SNED1: variants seen among roughly 807,000 people sequenced by gnomAD.
SNED1 encodes sushi, nidogen and EGF like domains 1, also known as sushi, nidogen and EGF-like domain-containing protein 1.
In SNED1, 81 loss-of-function variants were observed where a neutral mutation model predicts 166.7. The observed-to-expected ratio is 0.49, with a 90% CI of 0.41 to 0.58. The LOEUF is 0.58. Among genes scored for constraint, SNED1 ranks in the 20% least tolerant of loss-of-function variants. The pLI is 0.00. For missense variants in SNED1, 1,604 were observed against 2,000.2 expected (o/e 0.80, Z 3.78); for synonymous variants, 762 against 822.0 (o/e 0.93, Z 1.25).
Position 241,018,835 on chromosome 2 carries a change from C to G in SNED1, c.214-11449C>G, listed in dbSNP as rs1184500524. ...AGAGCTGAGTGAATTCCTGAGGCCC[C>G]TTTTTGGCCTGGCTGCCACCTGGAG... On this transcript the variant is annotated intron_variant, in intron 1 of 31. Transcript: ENST00000310397. This position sits in a 1 kb window ranked among gnomAD's most constrained non-coding sequence, Gnocchi z 5.4. Among the ~76,000 whole-genome samples the G allele has an allele frequency of 6.6e-6, 1 of 152,178 alleles. No individual in the cohort carries two copies. Among genetic ancestry groups the G allele is most frequent in the East Asian group, 1.9e-4 (1 of 5,188 alleles).
rs1014645273 is a variant in SNED1, at chr2:241,013,295, C to T, written c.213+14245C>T. 6.6e-6 allele frequency among the ~76,000 whole-genome samples: 1 copy of T among 152,032 alleles called. No individual in the cohort carries two copies. Among genetic ancestry groups the T allele is most frequent in the Admixed American group, 6.6e-5 (1 of 15,244 alleles). On this transcript the variant is annotated intron_variant, in intron 1 of 31. Transcript: ENST00000310397. This position sits in a 1 kb window ranked among gnomAD's most constrained non-coding sequence, Gnocchi z 4.6. ...CTACTCTCTGCTTCTATGAACTCAA[C>T]TTAATTTTCATTTTATTTATTTTAT... is the stretch of plus-strand genomic sequence containing the variant.
chr2:241,048,816 T>A, intron 10 of SNED1, 50 bp downstream of exon 10: 1 of 1,462,088 alleles, frequency 6.8e-7, no homozygotes, highest in Middle Eastern at 1.7e-4. Context: ...ATCCTCATAA[T>A]CGGGAAATGA....
chr2:241,063,826 G>A lies in SNED1; in HGVS notation c.2485+126G>A, dbSNP rs141334145. 5,458 of 817,210 alleles carry A rather than the reference G, an allele frequency of 6.7e-3. 35 individuals are homozygous for A. Among genetic ancestry groups the A allele is most frequent in the Non-Finnish European group, 7.6e-3 (3,926 of 518,166 alleles). The allele number at this position is 817,210 out of a possible 1,614,324, so 50.6% of individuals were successfully genotyped here. On this transcript the variant is annotated intron_variant, in intron 18 of 31. Transcript: ENST00000310397. Reference sequence around the variant, plus strand: ...TGGGGAGAGGGACCCCCAGGGCTGCGGCCACCTTGGGAGGGAGGGGTGGAG... The same window carrying A: ...TGGGGAGAGGGACCCCCAGGGCTGCAGCCACCTTGGGAGGGAGGGGTGGAG...
intron 1 of SNED1, among the ~76,000 whole-genome samples, chr2:241,001,119 G>A (rs1349008561): frequency 6.6e-6 from 1 of 152,244 alleles, no homozygotes; most frequent in Admixed American, 6.5e-5. Flanking sequence ...CCTCGTGTCT[G>A]CTGGCCCTGG....
At chr2:241,002,013 A>G (rs1376960567) in intron 1 of SNED1, among the ~76,000 whole-genome samples, 1 of 152,018 alleles carries the variant, frequency 6.6e-6, no homozygotes, top group Non-Finnish European at 1.5e-5. Context: ...TCTGCACAAC[A>G]TTACCATCCA....
rs1230400189 is a variant in SNED1, at chr2:241,073,033, G to C, written c.3818-233G>C. ...TGGCTGTCCCTGAAGCAGCTCTGAG[G>C]GGGCCCTGCAAGGGGAAGGCCGAGC... On this transcript the variant is annotated intron_variant, in intron 26 of 31. Transcript: ENST00000310397. This position sits in a 1 kb window ranked among gnomAD's most constrained non-coding sequence, Gnocchi z 6.6. The C allele has an allele frequency of 5.6e-6, 3 of 533,086 alleles. No homozygotes were observed. The highest frequency in any genetic ancestry group is 1.0e-5 in the Non-Finnish European group (3 of 299,784). 33.0% of individuals were successfully genotyped at this position (533,086 alleles called of 1,614,324 possible).
chr2:241,080,035 A>G (rs752939503), intron 27 of SNED1, among the ~76,000 whole-genome samples: 97 of 152,240 alleles, frequency 6.4e-4, no homozygotes, highest in Non-Finnish European at 4.6e-4. Flanking sequence ...CTGTAATCCC[A>G]GCACTTTGGG....
chr2:241,053,304 G>T lies in SNED1; in HGVS notation c.2235G>T (p.Trp745Cys). The change falls in exon 16 of 32, where the codon TGG becomes TGT. Residue 745 changes from tryptophan (W) to cysteine (C), a missense_variant. This residue lies in a region of SNED1 where 1,237 missense variants were observed against 1,620.8 expected (regional missense o/e 0.76). Coordinates refer to ENST00000310397, the MANE Select transcript of SNED1 (RefSeq NM_001080437.3). The part of the protein sequence containing the change: ...RIRVCQPHGV[W>C]SEPPQCLEID... ...GGGTCTGCCAGCCACACGGTGTCTG[G>T]AGTGAGCCTCCCCAGTGCCTTGGTG... The T allele has an allele frequency of 6.3e-7, 1 of 1,590,312 alleles. No individual in the cohort carries two copies.
chr2:241,083,641 G>A (rs1575123267), intron 29 of SNED1, among the ~76,000 whole-genome samples: 1 of 152,290 alleles, frequency 6.6e-6, no homozygotes, highest in African/African-American at 2.4e-5. Context: ...CACAGTATCT[G>A]CCATCTTCCC....
Position 241,053,335 on chromosome 2 carries a change from G to T in SNED1, c.2257+9G>T, listed in dbSNP as rs1030068217. The T allele has an allele frequency of 1.9e-6, 3 of 1,557,524 alleles. No individual in the cohort carries two copies. ...GCCTCCCCAGTGCCTTGGTGATTCT[G>T]TGGGCCCTTGGGGTGGGGCAGGTGG... On this transcript the variant is annotated intron_variant, in intron 16 of 31. Coordinates refer to ENST00000310397, the MANE Select transcript of SNED1 (RefSeq NM_001080437.3).
intron 1 of SNED1, among the ~76,000 whole-genome samples, chr2:241,028,248 C>T (rs1008267681): frequency 5.3e-5 from 8 of 152,074 alleles, no homozygotes; most frequent in Admixed American, 2.6e-4. Context: ...TGCCTTTTTA[C>T]TCTGTTAATA....
chr2:241,012,341 CG>C (rs1184506586), intron 1 of SNED1, among the ~76,000 whole-genome samples: 1 of 152,202 alleles, frequency 6.6e-6, no homozygotes, highest in Non-Finnish European at 1.5e-5. Context: ...AAAGATCAAA[CG>C]TAACGCAAAC....
At chr2:241,057,906 G>T (rs988950953) in intron 16 of SNED1, among the ~76,000 whole-genome samples, 16 of 152,278 alleles carry the variant, frequency 1.1e-4, no homozygotes, top group African/African-American at 3.8e-4. Context: ...GGTAAGACTT[G>T]TCACTATCCA....
At chr2:241,048,213 A>T (rs1270418296) in intron 8 of SNED1, 102 bp from the exon 9 acceptor site, 1 of 1,336,078 alleles carries the variant, frequency 7.5e-7, no homozygotes, top group African/African-American at 1.5e-5. Context: ...CTTGGGAATG[A>T]CAACAGAGGT....
Position 241,036,915 on chromosome 2 carries a change from G to C in SNED1, c.931G>C (p.Asp311His), listed in dbSNP as rs1195004097. The stretch of plus-strand genomic sequence containing the variant: ...CTTCACGGGGCGGAGGTGCCACCTG[G>C]GTGAGTGACTGGCCCAGGGCGGGAC... ...SGFTGRRCHLDVNECASQPCQ... is the reference protein window; with the variant it reads ...SGFTGRRCHLHVNECASQPCQ... The change falls in exon 5 of 32, where the codon GAC becomes CAC. Residue 311 changes from aspartate (D) to histidine (H), a missense_variant and splice_region_variant. By Grantham distance (81) the Asp-to-His change is moderately conservative (BLOSUM62 -1). Around this residue, in one of 2 missense-constraint regions of SNED1, gnomAD observed 1,237 missense variants for 1,620.8 expected, o/e 0.76. Coordinates refer to ENST00000310397, the MANE Select transcript of SNED1 (RefSeq NM_001080437.3). The C allele has an allele frequency of 6.2e-7, 1 of 1,609,286 alleles. No individual in the cohort carries two copies. The highest frequency in any genetic ancestry group is 8.5e-7 in the Non-Finnish European group (1 of 1,178,794).
rs778397444 is a variant in SNED1 at position 241,071,538 on chromosome 2, AG to A, written c.3590-37del. On this transcript the variant is annotated intron_variant, in intron 24 of 31. Coordinates refer to ENST00000310397, the MANE Select transcript of SNED1 (RefSeq NM_001080437.3). The stretch of plus-strand genomic sequence containing the variant: ...AGGGGCAGGGACAGGAGCAGAGGGC[AG>A]CCCCAGACCAGCCCCTTCCTCCTGC... 5.8e-5 allele frequency: 91 copies of A among 1,561,068 alleles called. No homozygotes were observed. The Admixed American group carries it at 1.6e-3, about 27-fold the overall frequency.
At chr2:241,050,181 C>T in intron 12 of SNED1, 1 of 564,938 alleles carries the variant, frequency 1.8e-6, no homozygotes, top group East Asian at 2.9e-5. Flanking sequence ...GCTTCATTGC[C>T]TGCTCAGCAT....
Position 241,030,494 on chromosome 2 carries a change from C to T in SNED1, c.424C>T (p.Leu142=), listed in dbSNP as rs762949861. The T allele has an allele frequency of 6.2e-7, 1 of 1,613,842 alleles. No individual in the cohort carries two copies. ...CGTCAGGCACTACTTCCCCGAGCTC[C>T]TGGACTTCAATGCCACCTGGGTTTT... The part of the protein sequence containing the change: ...EDVRHYFPEL[L]DFNATWVFVA... Residue 142 remains leucine, a synonymous_variant, in exon 2 of 32, where the codon CTG becomes TTG. Coordinates refer to ENST00000310397, the MANE Select transcript of SNED1 (RefSeq NM_001080437.3).
Position 241,073,229 on chromosome 2 carries a change from C to A in SNED1, c.3818-37C>A. 1 of 1,482,910 alleles carries A rather than the reference C, an allele frequency of 6.7e-7. No homozygotes were observed. The allele number at this position is 1,482,910 out of a possible 1,614,324, so 91.9% of individuals were successfully genotyped here. ...CCCCAGGACCATCCCGGGTGCAAAG[C>A]AGCTGCGCCGTGTGGTCACCGCCTG... On this transcript the variant is annotated intron_variant, in intron 26 of 31. Transcript: ENST00000310397. The surrounding 1 kb of genome is among the most constrained non-coding windows in gnomAD (Gnocchi z 6.6).
Sources: gnomAD v4.1 joint callset for allele counts (sites outside exome capture counted in the v4.1 genomes callset) on GRCh38, gnomAD v4.1.1 for gene constraint, gnomAD v4.1.1 regional missense constraint, Gnocchi (gnomAD v3.1) non-coding constraint, MANE v1.5 for transcripts, NCBI Gene and HGNC (gene_info 2026-07-23, HGNC 2026-07-21) for gene names.